The following DOCK9 variants were observed in gnomAD, a reference collection of about 807,000 sequenced individuals.
DOCK9 encodes the protein dedicator of cytokinesis protein 9.
DOCK9 carries 89 observed loss-of-function variants against 263.3 expected under a neutral mutation model. That is an observed-to-expected ratio of 0.34 (90% confidence interval 0.28 to 0.40). The LOEUF (loss-of-function observed/expected upper bound fraction) is 0.40. Ranked by LOEUF, DOCK9 falls within the 10% of genes least tolerant of loss-of-function variation. The pLI, the probability that DOCK9 is intolerant of heterozygous loss-of-function variation, is 1.00. For synonymous variants in DOCK9, 976 were observed against 973.1 expected (o/e 1.00, Z -0.06); for missense variants, 2,140 against 2,603.4 (o/e 0.82, Z 3.87).
At chr13:99,021,684 G>A in intron 1 of DOCK9, among the ~76,000 whole-genome samples, 1 of 148,902 alleles carries the variant, frequency 6.7e-6, no homozygotes, top group African/African-American at 2.5e-5. Flanking sequence ...GTTGAAACAT[G>A]AAAAAAGAGT....
At chr13:98,795,298 AT>A (rs1395094513) in intron 52 of DOCK9, among the ~76,000 whole-genome samples, 1 of 152,188 alleles carries the variant, frequency 6.6e-6, no homozygotes, top group African/African-American at 2.4e-5. Flanking sequence ...GGTCTTACGG[AT>A]TTTGTCTTGG....
At chr13:98,844,681 A>G (rs1340308140) in intron 38 of DOCK9, among the ~76,000 whole-genome samples, 1 of 152,186 alleles carries the variant, frequency 6.6e-6, no homozygotes, top group East Asian at 1.9e-4. Flanking sequence ...TGCCCAGCCA[A>G]TCTTCATAAC....
intron 1 of DOCK9, among the ~76,000 whole-genome samples, chr13:99,071,629 G>C (rs904714710): frequency 1.9e-4 from 29 of 152,190 alleles, no homozygotes; most frequent in African/African-American, 6.7e-4. Flanking sequence ...AGGCAGTAGA[G>C]GTGGAGGGTG....
At chr13:98,866,322 A>G (rs2142037220) in intron 30 of DOCK9, among the ~76,000 whole-genome samples, 1 of 152,250 alleles carries the variant, frequency 6.6e-6, no homozygotes, top group African/African-American at 2.4e-5. Flanking sequence ...GTGCGGGGTA[A>G]ATATTTGTTG....
intron 1 of DOCK9, among the ~76,000 whole-genome samples, chr13:99,021,425 G>T (rs934526771): frequency 6.6e-6 from 1 of 152,104 alleles, no homozygotes; most frequent in South Asian, 2.1e-4. Context: ...GGATCACGAG[G>T]TCAGGTGATT....
intron 4 of DOCK9, 24 bp downstream of exon 4, chr13:98,925,813 A>C: frequency 6.7e-7 from 1 of 1,484,816 alleles, no homozygotes; most frequent in Non-Finnish European, 9.1e-7. Context: ...ACTTTTCCCT[A>C]TGTGTATAAT....
intron 1 of DOCK9, among the ~76,000 whole-genome samples, chr13:98,971,996 G>C (rs1254552150): frequency 2.6e-5 from 4 of 152,142 alleles, no homozygotes; most frequent in Admixed American, 2.0e-4. Flanking sequence ...TATTGTTACA[G>C]TCTCAATGCT....
At chr13:98,863,176 G>C in intron 31 of DOCK9, 44 bp from the exon 32 acceptor site, 2 of 1,553,674 alleles carry the variant, frequency 1.3e-6, no homozygotes, top group Non-Finnish European at 8.8e-7. Context: ...AGGATTCTGA[G>C]AACCGAACTA....
At chr13:98,959,988 C>G (rs1038724570) in intron 1 of DOCK9, among the ~76,000 whole-genome samples, 1 of 152,144 alleles carries the variant, frequency 6.6e-6, no homozygotes, top group Non-Finnish European at 1.5e-5. Context: ...GGGTAGGGAA[C>G]TGATTGGCCT....
intron 23 of DOCK9, among the ~76,000 whole-genome samples, chr13:98,882,810 T>A (rs569036274): frequency 6.6e-6 from 1 of 151,330 alleles, no homozygotes; most frequent in East Asian, 1.9e-4. Context: ...TGAGAAACAG[T>A]ATGTTTTAGA....
At chr13:99,070,038 T>C (rs771582065) in intron 1 of DOCK9, among the ~76,000 whole-genome samples, 11 of 152,178 alleles carry the variant, frequency 7.2e-5, no homozygotes, top group Non-Finnish European at 1.3e-4. Context: ...TAAAGAACTT[T>C]ATAAACAGTC....
At chr13:98,813,061 T>TA (rs1243703328) in intron 45 of DOCK9, among the ~76,000 whole-genome samples, 1 of 152,256 alleles carries the variant, frequency 6.6e-6, no homozygotes. Context: ...AAAACCATAG[T>TA]ATAAGAATGA....
At chr13:98,977,722 C>T (rs1198904433) in intron 1 of DOCK9, 62 bp downstream of exon 1, 7 of 1,554,458 alleles carry the variant, frequency 4.5e-6, no homozygotes, top group Non-Finnish European at 6.1e-6. Context: ...ACCCCGTCCA[C>T]ACGCACAATA....
chr13:99,043,046 C>T (rs2142142475), intron 1 of DOCK9, among the ~76,000 whole-genome samples: 1 of 152,330 alleles, frequency 6.6e-6, no homozygotes, highest in South Asian at 2.1e-4. Context: ...CATCTAGGCA[C>T]ATGGCACCAC....
intron 1 of DOCK9, among the ~76,000 whole-genome samples, chr13:99,040,071 G>A (rs993438830): frequency 2.6e-5 from 4 of 152,192 alleles, no homozygotes; most frequent in South Asian, 2.1e-4. Context: ...TGTAATATTT[G>A]GAGACAGGTC....
intron 46 of DOCK9, 60 bp from the exon 47 acceptor site, chr13:98,809,525 A>T (rs2091094901): frequency 7.2e-7 from 1 of 1,396,632 alleles, no homozygotes; most frequent in East Asian, 2.3e-5. Flanking sequence ...CGATTTTAAA[A>T]TAACAAATGT....
intron 47 of DOCK9, among the ~76,000 whole-genome samples, chr13:98,808,828 C>T (rs1460720985): frequency 6.6e-6 from 1 of 151,884 alleles, no homozygotes; most frequent in Non-Finnish European, 1.5e-5. Context: ...TTAGATAAAC[C>T]CTTTCCTATA....
intron 6 of DOCK9, 49 bp downstream of exon 6, chr13:98,922,002 G>C (rs1268599552): frequency 2.1e-6 from 3 of 1,423,292 alleles, no homozygotes; most frequent in Non-Finnish European, 2.9e-6. Flanking sequence ...CGAGCTCTAT[G>C]GCAGAAAGGG....
intron 36 of DOCK9, 97 bp downstream of exon 36, chr13:98,849,950 T>C (rs1179029669): frequency 5.8e-6 from 5 of 867,358 alleles, no homozygotes; most frequent in African/African-American, 1.7e-5. Context: ...GGATGTGACA[T>C]ACACTACTCC....
Sources: gnomAD v4.1 joint callset for allele counts (sites outside exome capture counted in the v4.1 genomes callset) on GRCh38, gnomAD v4.1.1 for gene constraint, MANE v1.5 for transcripts, NCBI Gene and HGNC (gene_info 2026-07-23, HGNC 2026-07-21) for gene names.